The following DCC variants were observed in gnomAD, a reference collection of about 807,000 sequenced individuals.
DCC encodes netrin receptor DCC.
In DCC, 58 loss-of-function variants were observed where a neutral mutation model predicts 172.5. That is an observed-to-expected ratio of 0.34 (90% confidence interval 0.27 to 0.42). The LOEUF (loss-of-function observed/expected upper bound fraction) is 0.42. DCC is among the 10% of genes least tolerant of loss of function. The probability of loss-of-function intolerance (pLI) is 1.00; values close to 1 mark genes in which losing one functional copy is unlikely to be tolerated. For synonymous variants in DCC, 709 were observed against 644.5 expected (o/e 1.10, Z -1.52); for missense variants, 1,740 against 1,791.0 (o/e 0.97, Z 0.51).
At chr18:53,040,329 C>T (rs2042152665) in intron 5 of DCC, among the ~76,000 whole-genome samples, 1 of 151,906 alleles carries the variant, frequency 6.6e-6, no homozygotes, top group Non-Finnish European at 1.5e-5. Flanking sequence ...ATTGATAATG[C>T]CAGGATTTGG....
chr18:53,319,928 G>A (rs2057388714), intron 13 of DCC, among the ~76,000 whole-genome samples: 1 of 152,112 alleles, frequency 6.6e-6, no homozygotes, highest in Non-Finnish European at 1.5e-5. Flanking sequence ...TTGAATAACT[G>A]GGTGCTGTAG....
chr18:53,228,316 G>T (rs746729719), intron 12 of DCC, among the ~76,000 whole-genome samples: 2 of 152,080 alleles, frequency 1.3e-5, no homozygotes, highest in African/African-American at 4.8e-5. Context: ...GTTTATCAGA[G>T]AAAAGTCAAT....
chr18:52,819,883 TA>T (rs35114665), intron 2 of DCC, among the ~76,000 whole-genome samples: 1,564 of 148,316 alleles, frequency 0.011, 35 homozygotes, highest in East Asian at 0.089. Flanking sequence ...CATGCCCAGC[TA>T]ATTTTTTTTT....
At chr18:52,483,871 T>C (rs1167367999) in intron 1 of DCC, among the ~76,000 whole-genome samples, 1 of 152,104 alleles carries the variant, frequency 6.6e-6, no homozygotes, top group African/African-American at 2.4e-5. Flanking sequence ...GTTCTGCTTT[T>C]ATTATCTTTT....
chr18:53,208,985 C>G (rs1023147349), intron 11 of DCC, among the ~76,000 whole-genome samples: 3 of 152,174 alleles, frequency 2.0e-5, no homozygotes, highest in Non-Finnish European at 4.4e-5. Flanking sequence ...CCCGCCTTGG[C>G]CTCACATAGT....
intron 8 of DCC, among the ~76,000 whole-genome samples, chr18:53,173,301 C>G (rs540460751): frequency 1.3e-5 from 2 of 152,148 alleles, no homozygotes; most frequent in African/African-American, 4.8e-5. Context: ...AAACTTCATA[C>G]TGCACTTCTA....
rs200456394 is a variant in DCC at position 53,285,110 on chromosome 18, G to GA, written c.1912-20459dup. The stretch of plus-strand genomic sequence containing the variant: ...AAATTTGCAGCCTGACAATTTGATG[G>GA]AAAAAAAAATCCGATTTTCTGAGGA... On this transcript the variant is annotated intron_variant, in intron 12 of 28. Transcript: ENST00000442544. 6.5e-3 allele frequency among the ~76,000 whole-genome samples: 979 copies of GA among 151,238 alleles called. 5 individuals are homozygous for GA. The highest frequency in any genetic ancestry group is 0.01 in the Non-Finnish European group (707 of 67,766).
chr18:52,464,042 C>T (rs955412700), intron 1 of DCC, among the ~76,000 whole-genome samples: 4 of 152,122 alleles, frequency 2.6e-5, no homozygotes, highest in African/African-American at 9.7e-5. Context: ...ACATGATTAA[C>T]ATTTCATTGG....
At chr18:53,054,831 A>C (rs1211896568) in intron 5 of DCC, among the ~76,000 whole-genome samples, 3 of 152,172 alleles carry the variant, frequency 2.0e-5, no homozygotes. Context: ...CACGAGAAGT[A>C]TACTATTAGG....
chr18:52,424,581 G>A (rs1452793794), intron 1 of DCC, among the ~76,000 whole-genome samples: 1 of 152,136 alleles, frequency 6.6e-6, no homozygotes, highest in East Asian at 1.9e-4. Flanking sequence ...CACATAGAGC[G>A]ATGTTAGTGG....
At chr18:52,344,406 T>C (rs1478765865) in intron 1 of DCC, among the ~76,000 whole-genome samples, 1 of 152,206 alleles carries the variant, frequency 6.6e-6, no homozygotes, top group Non-Finnish European at 1.5e-5. Context: ...TGATACTGCA[T>C]CTTCTAAAGG....
Position 53,391,853 on chromosome 18 carries a change from G to T in DCC, c.2654G>T (p.Trp885Leu). The change falls in exon 17 of 29, where the codon TGG becomes TTG. Residue 885 changes from tryptophan to leucine, a missense_variant. Transcript: ENST00000442544. The stretch of plus-strand genomic sequence containing the variant: ...GAGGTGCGACTTTACACCGTCCGGT[G>T]GAGAACCAGCTTTTCTGCAAGTGCA... ...TSEVRLYTVR[W>L]RTSFSASAKY... The T allele has an allele frequency of 6.2e-7, 1 of 1,612,386 alleles. No homozygotes were observed. Among genetic ancestry groups the T allele is most frequent in the South Asian group, 1.1e-5 (1 of 91,062 alleles).
chr18:53,357,401 C>T (rs1231298960), intron 15 of DCC, among the ~76,000 whole-genome samples: 3 of 152,182 alleles, frequency 2.0e-5, no homozygotes, highest in African/African-American at 7.2e-5. Flanking sequence ...CATCTCCCCC[C>T]ATCAAAAAAT....
intron 1 of DCC, among the ~76,000 whole-genome samples, chr18:52,451,645 C>A (rs1297276552): frequency 6.6e-6 from 1 of 151,948 alleles, no homozygotes; most frequent in African/African-American, 2.4e-5. Flanking sequence ...AATAGGAGGA[C>A]CAAAATACAT....
chr18:52,828,477 C>A (rs7244689), intron 2 of DCC, among the ~76,000 whole-genome samples: 1 of 151,556 alleles, frequency 6.6e-6, no homozygotes, highest in Non-Finnish European at 1.5e-5. Context: ...TGGTTTTGAT[C>A]ATGTGATCTA....
chr18:52,815,071 G>T (rs940535436), intron 2 of DCC, among the ~76,000 whole-genome samples: 20 of 152,098 alleles, frequency 1.3e-4, no homozygotes, highest in Non-Finnish European at 2.5e-4. Context: ...GGGTGGGCTG[G>T]GGGTATCTAT....
intron 5 of DCC, among the ~76,000 whole-genome samples, chr18:52,930,623 G>A (rs930177313): frequency 6.6e-6 from 1 of 152,022 alleles, no homozygotes; most frequent in Non-Finnish European, 1.5e-5. Flanking sequence ...CTCCTTGTAA[G>A]TATTTATATT....
At chr18:52,830,616 T>G (rs1228357646) in intron 2 of DCC, among the ~76,000 whole-genome samples, 2 of 152,198 alleles carry the variant, frequency 1.3e-5, no homozygotes, top group Admixed American at 1.3e-4. Context: ...TAGCCTGATC[T>G]TCTACTCTTG....
intron 7 of DCC, among the ~76,000 whole-genome samples, chr18:53,125,370 C>T (rs1310703898): frequency 1.3e-5 from 2 of 152,028 alleles, no homozygotes; most frequent in Non-Finnish European, 2.9e-5. Flanking sequence ...GTTCTAAGGG[C>T]ACTCTAAGCG....
Sources: gnomAD v4.1 joint callset for allele counts (sites outside exome capture counted in the v4.1 genomes callset) on GRCh38, gnomAD v4.1.1 for gene constraint, MANE v1.5 for transcripts, NCBI Gene and HGNC (gene_info 2026-07-23, HGNC 2026-07-21) for gene names.